Variants in CTNNA3 observed in about 807,000 individuals in gnomAD.
CTNNA3 encodes catenin alpha-3.
Under a neutral mutation model 95.7 loss-of-function variants are expected in CTNNA3, and 76 were observed. The observed-to-expected ratio is 0.79, with a 90% CI of 0.66 to 0.96. The LOEUF is 0.96. Among genes scored for constraint, CTNNA3 ranks in the 40% least tolerant of loss-of-function variants. The pLI is 0.00. For synonymous variants in CTNNA3, 431 were observed against 374.4 expected (o/e 1.15, Z -1.74); for missense variants, 1,191 against 1,089.8 (o/e 1.09, Z -1.31).
intron 3 of CTNNA3, among the ~76,000 whole-genome samples, chr10:67,585,818 AT>A (rs1437476312): frequency 6.6e-6 from 1 of 151,784 alleles, no homozygotes; most frequent in East Asian, 1.9e-4. Flanking sequence ...TTAGTCTCTA[AT>A]TCATTTAATT....
intron 1 of CTNNA3, among the ~76,000 whole-genome samples, chr10:67,663,488 C>T (rs1228478478): frequency 6.6e-6 from 1 of 152,078 alleles, no homozygotes; most frequent in Non-Finnish European, 1.5e-5. Context: ...GGCTGAGCCT[C>T]AGGTGGGTCT....
At chr10:66,637,217 CA>C (rs1845367446) in intron 9 of CTNNA3, among the ~76,000 whole-genome samples, 1 of 152,170 alleles carries the variant, frequency 6.6e-6, no homozygotes, top group South Asian at 2.1e-4. Context: ...ACTGTTATTG[CA>C]AATACTGAAA....
At chr10:66,177,268 T>G (rs2085762927) in intron 13 of CTNNA3, among the ~76,000 whole-genome samples, 1 of 151,994 alleles carries the variant, frequency 6.6e-6, no homozygotes, top group African/African-American at 2.4e-5. Flanking sequence ...CAATATAAAA[T>G]TTTCCAAATT....
chr10:67,351,656 T>C (rs984722693), intron 5 of CTNNA3, among the ~76,000 whole-genome samples: 3 of 151,964 alleles, frequency 2.0e-5, no homozygotes, highest in Admixed American at 6.6e-5. Context: ...TAAAGCAGAG[T>C]AAATTAATGC....
At chr10:67,672,219 T>C (rs1564822072) in intron 1 of CTNNA3, among the ~76,000 whole-genome samples, 2 of 152,322 alleles carry the variant, frequency 1.3e-5, no homozygotes, top group South Asian at 2.1e-4. Context: ...TGTTTTTTTC[T>C]TGTAAATTTG....
At chr10:67,549,269 T>C (rs1840943485) in intron 3 of CTNNA3, among the ~76,000 whole-genome samples, 1 of 152,156 alleles carries the variant, frequency 6.6e-6, no homozygotes, top group Non-Finnish European at 1.5e-5. Flanking sequence ...AAGTAACATT[T>C]ACATACATTG....
chr10:66,895,437 GTTCA>G (rs1845442873), intron 7 of CTNNA3, among the ~76,000 whole-genome samples: 1 of 152,044 alleles, frequency 6.6e-6, no homozygotes, highest in Non-Finnish European at 1.5e-5. Flanking sequence ...AGAAAGATTT[GTTCA>G]TTAAGCGGGA....
intron 1 of CTNNA3, among the ~76,000 whole-genome samples, chr10:67,734,610 A>C (rs1334167344): frequency 6.6e-6 from 1 of 152,178 alleles, no homozygotes; most frequent in Non-Finnish European, 1.5e-5. Context: ...AAAAGTGTAG[A>C]CATAAGGAAG....
chr10:67,437,574 T>C (rs1438775591), intron 5 of CTNNA3, among the ~76,000 whole-genome samples: 7 of 152,080 alleles, frequency 4.6e-5, no homozygotes, highest in Non-Finnish European at 8.8e-5. Context: ...TCTAATCATG[T>C]AGGAACTACA....
intron 7 of CTNNA3, among the ~76,000 whole-genome samples, chr10:67,009,831 T>C (rs1342812630): frequency 6.6e-6 from 1 of 152,158 alleles, no homozygotes; most frequent in African/African-American, 2.4e-5. Flanking sequence ...AGTGAGTGGC[T>C]AAAAACATAT....
At chr10:66,983,040 G>A (rs922439182) in intron 7 of CTNNA3, among the ~76,000 whole-genome samples, 5 of 152,200 alleles carry the variant, frequency 3.3e-5, no homozygotes, top group African/African-American at 7.2e-5. Context: ...TGAGAGCAGC[G>A]ACTGCCGAAC....
chr10:66,537,584 A>C (rs2132067539), intron 10 of CTNNA3, among the ~76,000 whole-genome samples: 1 of 149,130 alleles, frequency 6.7e-6, no homozygotes, highest in East Asian at 2.0e-4. Flanking sequence ...ATTATAAATA[A>C]ATTGTTATAA....
At chr10:66,342,190 A>C (rs1211990756) in intron 12 of CTNNA3, among the ~76,000 whole-genome samples, 1 of 152,022 alleles carries the variant, frequency 6.6e-6, no homozygotes, top group African/African-American at 2.4e-5. Flanking sequence ...AACCGTACTT[A>C]GCATTTAGTG....
chr10:66,140,503 AT>A (rs1443450392), intron 13 of CTNNA3, among the ~76,000 whole-genome samples: 2 of 152,304 alleles, frequency 1.3e-5, no homozygotes, highest in East Asian at 3.9e-4. Context: ...GATTTCTCTA[AT>A]TTTATCTTTC....
At chr10:67,274,944 A>G (rs1447468459) in intron 5 of CTNNA3, among the ~76,000 whole-genome samples, 2 of 152,190 alleles carry the variant, frequency 1.3e-5, no homozygotes, top group Admixed American at 6.5e-5. Flanking sequence ...TAGAAAATAT[A>G]TTCTGATTAA....
At chr10:66,750,312 T>C (rs1253348283) in intron 9 of CTNNA3, among the ~76,000 whole-genome samples, 1 of 152,204 alleles carries the variant, frequency 6.6e-6, no homozygotes, top group East Asian at 1.9e-4. Context: ...ATCTAGATTT[T>C]CTCCTATGTT....
chr10:66,331,379 A>C (rs1589099542), intron 12 of CTNNA3, among the ~76,000 whole-genome samples: 1 of 50,120 alleles, frequency 2.0e-5, no homozygotes, highest in African/African-American at 9.1e-5. Context: ...TTTGAGACGG[A>C]GTTTTGCTCT....
chr10:67,080,344 T>C (rs1856984151), intron 7 of CTNNA3, among the ~76,000 whole-genome samples: 1 of 152,128 alleles, frequency 6.6e-6, no homozygotes, highest in Non-Finnish European at 1.5e-5. Flanking sequence ...CTGTTTACAA[T>C]GTAAGACAAA....
At chr10:67,740,313 C>A (rs1405120019) in intron 1 of CTNNA3, among the ~76,000 whole-genome samples, 2 of 152,024 alleles carry the variant, frequency 1.3e-5, no homozygotes, top group Admixed American at 1.3e-4. Flanking sequence ...CAAATGGGAT[C>A]TAATTAAACT....
Sources: allele counts gnomAD v4.1 joint callset (sites outside exome capture counted in the v4.1 genomes callset), GRCh38; gene constraint gnomAD v4.1.1; transcripts MANE v1.5; gene names NCBI Gene and HGNC (gene_info 2026-07-23, HGNC 2026-07-21).